The following STRN variants were observed in gnomAD, a reference collection of about 807,000 sequenced individuals.
The protein encoded by STRN is protein phosphatase 2 regulatory subunit B'''alpha.
Under a neutral mutation model 96.3 loss-of-function variants are expected in STRN, and 53 were observed. That is an observed-to-expected ratio of 0.55 (90% CI 0.44 to 0.69). The LOEUF (loss-of-function observed/expected upper bound fraction) is 0.69. Among genes scored for constraint, STRN ranks in the 30% least tolerant of loss-of-function variants. The probability of loss-of-function intolerance (pLI) is 0.00; values close to 1 mark genes in which losing one functional copy is unlikely to be tolerated. For missense variants in STRN, 987 were observed against 963.9 expected, an observed-to-expected ratio of 1.02 and a Z score of -0.32; for synonymous variants, 428 against 355.9, an observed-to-expected ratio of 1.20 and a Z score of -2.28.
intron 10 of STRN, among the ~76,000 whole-genome samples, chr2:36,873,634 A>G (rs1394055786): frequency 1.3e-5 from 2 of 152,130 alleles, no homozygotes; most frequent in Non-Finnish European, 2.9e-5. Context: ...TTTGGAAGAA[A>G]TCTGTAAACA....
intron 1 of STRN, among the ~76,000 whole-genome samples, chr2:36,939,218 G>A (rs150637654): frequency 0.018 from 2,710 of 151,368 alleles, 47 homozygotes; most frequent in Non-Finnish European, 0.028. Flanking sequence ...GGTGTGAGCC[G>A]CCGCGCCCAG....
intron 4 of STRN, among the ~76,000 whole-genome samples, chr2:36,903,358 C>G (rs1669739016): frequency 6.6e-6 from 1 of 152,198 alleles, no homozygotes; most frequent in Non-Finnish European, 1.5e-5. Context: ...GTATTGAGAG[C>G]TAGATCTAGG....
rs1400764396 is a variant in STRN at position 36,841,513 on chromosome 2, G to A, written c.*7943C>T. ...CTATCAAGAGGATATTCTGAAATAC[G>A]TGGGCTATCGAAAAAGATGTAAGTA... is the stretch of plus-strand genomic sequence containing the variant. On this transcript the variant is annotated 3_prime_UTR_variant, in exon 18 of 18. Transcript: ENST00000263918. 6.6e-6 allele frequency: 1 copy of A among 152,026 alleles called. No homozygotes were observed. The highest frequency in any genetic ancestry group is 1.9e-4 in the East Asian group (1 of 5,188). The allele number at this position is 152,026 out of a possible 1,614,324, so 9.4% of individuals were successfully genotyped here. A position where few individuals can be genotyped will look rare whatever the true frequency, so the allele number is the denominator to read the frequency against.
chr2:36,902,573 A>G lies in STRN; in HGVS notation c.659+11T>C. 1 of 1,584,198 alleles carries G rather than the reference A, an allele frequency of 6.3e-7. No individual in the cohort carries two copies. Among genetic ancestry groups the G allele is most frequent in the Non-Finnish European group, 8.6e-7 (1 of 1,163,484 alleles). On this transcript the variant is annotated intron_variant, in intron 5 of 17. Coordinates refer to ENST00000263918, the MANE Select transcript of STRN (RefSeq NM_003162.4). ...ATAATAGCTAAAACACTTTCCAGAC[A>G]AAATACTTACGCAATCATTGCTGTC... is the stretch of plus-strand genomic sequence containing the variant.
At chr2:36,860,317 AG>A (rs1005396760) in intron 13 of STRN, among the ~76,000 whole-genome samples, 2 of 152,216 alleles carry the variant, frequency 1.3e-5, no homozygotes, top group African/African-American at 4.8e-5. Context: ...AGAGAGGTAA[AG>A]GAAGTAAGGA....
At chr2:36,963,827 C>T (rs1277656126) in intron 1 of STRN, among the ~76,000 whole-genome samples, 1 of 151,830 alleles carries the variant, frequency 6.6e-6, no homozygotes, top group East Asian at 1.9e-4. Context: ...CATGGTGGTG[C>T]ATGACTGTAA....
intron 1 of STRN, among the ~76,000 whole-genome samples, chr2:36,965,863 A>G (rs1261231347): frequency 6.6e-6 from 1 of 152,192 alleles, no homozygotes; most frequent in African/African-American, 2.4e-5. Flanking sequence ...ACACCAGGGC[A>G]GCGGACGATT....
chr2:36,857,376 T>C (rs993699140), intron 14 of STRN, among the ~76,000 whole-genome samples: 1 of 152,100 alleles, frequency 6.6e-6, no homozygotes, highest in African/African-American at 2.4e-5. Context: ...CCAAAAACTA[T>C]GCTTTCAAAA....
intron 11 of STRN, among the ~76,000 whole-genome samples, chr2:36,868,225 CT>C (rs1212391035): frequency 6.7e-6 from 1 of 149,566 alleles, no homozygotes; most frequent in Non-Finnish European, 1.5e-5. Flanking sequence ...TCTTTCTGAA[CT>C]TCAGATTACT....
In STRN at chr2:36,842,543, C is replaced by A. The variant is rs1420558482; in HGVS notation, c.*6913G>T. On this transcript the variant is annotated 3_prime_UTR_variant, in exon 18 of 18. Coordinates refer to ENST00000263918, the MANE Select transcript of STRN (RefSeq NM_003162.4). ...TGGCTAAATCACCAAGGACAAGATA[C>A]TTTTCTATGAAATAGGTCCTTCCTA... 3.3e-5 allele frequency: 5 copies of A among 152,144 alleles called. No individual in the cohort carries two copies. Among genetic ancestry groups the A allele is most frequent in the Admixed American group, 1.3e-4 (2 of 15,266 alleles). 9.4% of individuals were successfully genotyped at this position (152,144 alleles called of 1,614,324 possible).
At chr2:36,852,603 T>C (rs548573850) in intron 15 of STRN, among the ~76,000 whole-genome samples, 2 of 152,296 alleles carry the variant, frequency 1.3e-5, no homozygotes, top group East Asian at 1.9e-4. Flanking sequence ...CTGCTAAATA[T>C]GTGTGAAGGG....
At chr2:36,858,750 A>G (rs1404712117) in intron 13 of STRN, among the ~76,000 whole-genome samples, 1 of 152,246 alleles carries the variant, frequency 6.6e-6, no homozygotes, top group East Asian at 1.9e-4. Context: ...ATCCTCTGTC[A>G]CACATACCAT....
intron 1 of STRN, among the ~76,000 whole-genome samples, chr2:36,937,281 T>C (rs1350639870): frequency 6.9e-6 from 1 of 145,764 alleles, no homozygotes; most frequent in African/African-American, 2.6e-5. Context: ...GAGGTGGAGG[T>C]TGCGGTGAGC....
intron 1 of STRN, among the ~76,000 whole-genome samples, chr2:36,961,039 G>C (rs114372828): frequency 0.015 from 2,173 of 148,246 alleles, 56 homozygotes; most frequent in African/African-American, 0.051. Context: ...TGGGACCACA[G>C]ACGCATGCCA....
At chr2:36,960,898 T>A (rs1021947526) in intron 1 of STRN, among the ~76,000 whole-genome samples, 26 of 151,964 alleles carry the variant, frequency 1.7e-4, no homozygotes, top group South Asian at 2.1e-4. Context: ...TGTTTGTTTG[T>A]TTGATTGATT....
At chr2:36,875,727 G>A (rs1668888648) in intron 10 of STRN, among the ~76,000 whole-genome samples, 1 of 150,910 alleles carries the variant, frequency 6.6e-6, no homozygotes. Flanking sequence ...CGCAATCTCG[G>A]CTCACTGCAA....
chr2:36,884,821 A>C (rs1181392108), intron 8 of STRN, among the ~76,000 whole-genome samples: 1 of 152,130 alleles, frequency 6.6e-6, no homozygotes, highest in Non-Finnish European at 1.5e-5. Context: ...GTACTAGTTC[A>C]ATTAAAAAAA....
intron 1 of STRN, among the ~76,000 whole-genome samples, chr2:36,950,415 C>A (rs1262570920): frequency 6.6e-6 from 1 of 152,064 alleles, no homozygotes; most frequent in African/African-American, 2.4e-5. Flanking sequence ...GAGGTTTCAC[C>A]ATGTTGGCCA....
At chr2:36,884,174 A>G in intron 8 of STRN, 99 bp from the exon 9 acceptor site, 1 of 1,054,948 alleles carries the variant, frequency 9.5e-7, no homozygotes, top group Non-Finnish European at 1.2e-6. Context: ...TCCATCTGTC[A>G]ATATTTACCT....
Sources: gnomAD v4.1 joint callset for allele counts (sites outside exome capture counted in the v4.1 genomes callset) on GRCh38, gnomAD v4.1.1 for gene constraint, MANE v1.5 for transcripts, NCBI Gene and HGNC (gene_info 2026-07-23, HGNC 2026-07-21) for gene names.